Variants in MAF observed in about 807,000 individuals in gnomAD.
MAF encodes the protein MAF bZIP transcription factor.
MAF carries 10 observed loss-of-function variants against 22.0 expected under a neutral mutation model. The ratio of observed to expected loss-of-function variants is 0.45; its 90% confidence interval spans 0.28 to 0.77. MAF has a LOEUF of 0.77. Among genes scored for constraint, MAF ranks in the 30% least tolerant of loss-of-function variants. MAF has a pLI of 0.12. For synonymous variants in MAF, 337 were observed against 255.8 expected (o/e 1.32, Z -3.03); for missense variants, 544 against 548.4 (o/e 0.99, Z 0.08).
the MAF span, among the ~76,000 whole-genome samples, chr16:79,501,430 G>T: frequency 5.3e-4 from 81 of 152,194 alleles, no homozygotes; most frequent in African/African-American, 1.9e-3. Context: ...AAACTCTGGG[G>T]GGACACCAGT....
chr16:79,509,727 G>A, the MAF span, among the ~76,000 whole-genome samples: 4 of 152,220 alleles, frequency 2.6e-5, no homozygotes, highest in Admixed American at 6.5e-5. Flanking sequence ...CAATTTCTCT[G>A]GGGATGCGTG....
the MAF span, among the ~76,000 whole-genome samples, chr16:79,431,498 G>A: frequency 1.0e-3 from 155 of 152,136 alleles, no homozygotes; most frequent in Non-Finnish European, 6.3e-4. Context: ...AATATTCCTG[G>A]GTTCTTTACT....
chr16:79,266,534 G>C, the MAF span, among the ~76,000 whole-genome samples: 154 of 152,274 alleles, frequency 1.0e-3, 1 homozygote, highest in Non-Finnish European at 1.5e-3. Context: ...GTGGTGTATG[G>C]AACACTTGGA....
At chr16:79,404,462 G>A in the MAF span, among the ~76,000 whole-genome samples, 1 of 152,032 alleles carries the variant, frequency 6.6e-6, no homozygotes, top group Non-Finnish European at 1.5e-5. Flanking sequence ...CGCGTGGCCT[G>A]GAATTATTTT....
the MAF span, among the ~76,000 whole-genome samples, chr16:79,218,145 G>T: frequency 4.0e-5 from 6 of 151,714 alleles, no homozygotes; most frequent in Non-Finnish European, 8.8e-5. Flanking sequence ...TATAATCACT[G>T]AACAAACAGC....
At chr16:79,204,590 A>G in the MAF span, 1 of 152,320 alleles carries the variant, frequency 6.6e-6, no homozygotes, top group East Asian at 1.9e-4. Context: ...AGGAGGTATG[A>G]AAAGGGCTTC....
At chr16:79,464,539 T>C in the MAF span, among the ~76,000 whole-genome samples, 1 of 152,196 alleles carries the variant, frequency 6.6e-6, no homozygotes, top group African/African-American at 2.4e-5. Flanking sequence ...GAACTCAGAA[T>C]TTTTCGAAAT....
At chr16:79,232,706 T>C in the MAF span, among the ~76,000 whole-genome samples, 1 of 152,020 alleles carries the variant, frequency 6.6e-6, no homozygotes, top group South Asian at 2.1e-4. Context: ...TGATGCCCTA[T>C]GATCTGTGCA....
chr16:79,242,363 A>T, the MAF span, among the ~76,000 whole-genome samples: 1 of 149,948 alleles, frequency 6.7e-6, no homozygotes, highest in Admixed American at 6.7e-5. Context: ...AGCAAATGGG[A>T]AGCAAAAAAA....
chr16:79,365,258 A>G, the MAF span, among the ~76,000 whole-genome samples: 1 of 152,188 alleles, frequency 6.6e-6, no homozygotes, highest in Non-Finnish European at 1.5e-5. Context: ...CACGATAGGT[A>G]GGCCCTGCTA....
the MAF span, among the ~76,000 whole-genome samples, chr16:79,537,569 T>C: frequency 6.6e-6 from 1 of 152,192 alleles, no homozygotes; most frequent in African/African-American, 2.4e-5. Flanking sequence ...AGGAGGATGT[T>C]ACTTTGCCTA....
At chr16:79,428,216 C>T in the MAF span, among the ~76,000 whole-genome samples, 1 of 152,214 alleles carries the variant, frequency 6.6e-6, no homozygotes, top group Non-Finnish European at 1.5e-5. Context: ...ACCCTCACCT[C>T]CTCCACCTGC....
the MAF span, among the ~76,000 whole-genome samples, chr16:79,489,698 C>G: frequency 6.6e-6 from 1 of 152,276 alleles, no homozygotes; most frequent in East Asian, 1.9e-4. Context: ...AACTTCCTTG[C>G]AGGGCAGAAG....
the MAF span, among the ~76,000 whole-genome samples, chr16:79,259,479 C>G: frequency 3.9e-5 from 6 of 152,284 alleles, no homozygotes; most frequent in Admixed American, 3.3e-4. Flanking sequence ...TACTCCCCCA[C>G]CACTAGGAGG....
the MAF span, among the ~76,000 whole-genome samples, chr16:79,566,335 A>G: frequency 6.6e-6 from 1 of 152,146 alleles, no homozygotes; most frequent in African/African-American, 2.4e-5. Flanking sequence ...AGGCTGTAAG[A>G]GCTGAGGGAA....
At chr16:79,570,494 A>T in the MAF span, among the ~76,000 whole-genome samples, 1 of 152,300 alleles carries the variant, frequency 6.6e-6, no homozygotes, top group Non-Finnish European at 1.5e-5. Context: ...TCCAGCCCAC[A>T]GCCATCTCTA....
the MAF span, among the ~76,000 whole-genome samples, chr16:79,278,430 G>C: frequency 6.6e-6 from 1 of 152,246 alleles, no homozygotes; most frequent in East Asian, 1.9e-4. Flanking sequence ...AACAAACAAG[G>C]TCTCTTCCCA....
At chr16:79,276,923 C>T in the MAF span, among the ~76,000 whole-genome samples, 2 of 152,238 alleles carry the variant, frequency 1.3e-5, no homozygotes, top group Admixed American at 6.5e-5. Flanking sequence ...CTGGTGGCGG[C>T]GGGCAATCCT....
At chr16:79,438,246 C>A in the MAF span, among the ~76,000 whole-genome samples, 1 of 152,170 alleles carries the variant, frequency 6.6e-6, no homozygotes, top group East Asian at 1.9e-4. Flanking sequence ...GTGGTTCCTG[C>A]ACTTGGCGTG....
Sources: allele counts gnomAD v4.1 joint callset (sites outside exome capture counted in the v4.1 genomes callset), GRCh38; gene constraint gnomAD v4.1.1; transcripts MANE v1.5; gene names NCBI Gene and HGNC (gene_info 2026-07-23, HGNC 2026-07-21).